Variants in CCDC180 observed in about 807,000 individuals in gnomAD.
The protein encoded by CCDC180 is coiled-coil domain-containing protein 180.
A neutral mutation model predicts 209.2 loss-of-function variants in CCDC180; 154 were observed. The ratio of observed to expected loss-of-function variants is 0.74; its 90% CI spans 0.65 to 0.84. The LOEUF is 0.84. CCDC180 is among the 40% of genes least tolerant of loss of function. The pLI, the probability that CCDC180 is intolerant of heterozygous loss-of-function variation, is 0.00. For missense variants in CCDC180, 1,874 were observed against 1,997.3 expected (o/e 0.94, Z 1.18); for synonymous variants, 778 against 749.1 (o/e 1.04, Z -0.63).
chr9:97,366,781 C>T lies in CCDC180; in HGVS notation c.4189+81C>T. The T allele has an allele frequency of 1.3e-6, 2 of 1,484,436 alleles. No individual in the cohort carries two copies. The highest frequency in any genetic ancestry group is 1.8e-6 in the Non-Finnish European group (2 of 1,101,274). 92.0% of individuals were successfully genotyped at this position (1,484,436 alleles called of 1,614,324 possible). On this transcript the variant is annotated intron_variant, in intron 31 of 36. Transcript: ENST00000529487. The surrounding 1 kb of genome is among the most constrained non-coding windows in gnomAD (Gnocchi z 4.3). The stretch of plus-strand genomic sequence containing the variant: ...TGGAGCTCGGCCTTGGCCTTGTGGC[C>T]TGGATCCTCCCCTCTGGGGGAGGCA...
In CCDC180 at chr9:97,330,772, G is replaced by A. The variant is rs1303822394; in HGVS notation, c.2274+5G>A. 4 of 1,589,124 alleles carry A rather than the reference G, an allele frequency of 2.5e-6. No homozygotes were observed. The highest frequency in any genetic ancestry group is 1.7e-5 in the Admixed American group (1 of 58,730). On this transcript the variant is annotated splice_donor_5th_base_variant and intron_variant, in intron 18 of 36. Coordinates refer to ENST00000529487, the MANE Select transcript of CCDC180 (RefSeq NM_020893.6). The stretch of plus-strand genomic sequence containing the variant: ...GAGAGTTTATCTGTGGGTGAGGTAA[G>A]CCAGCAACTGATTCATTCTTGGGCA...
At chr9:97,368,229 C>T (rs766749157) in intron 31 of CCDC180, among the ~76,000 whole-genome samples, 8 of 152,174 alleles carry the variant, frequency 5.3e-5, no homozygotes, top group Non-Finnish European at 1.2e-4. Context: ...GTGAGAAACA[C>T]ACAAGAGCCA....
intron 9 of CCDC180, 98 bp from the exon 10 acceptor site, chr9:97,318,365 T>A: frequency 6.9e-7 from 1 of 1,444,772 alleles, no homozygotes; most frequent in Non-Finnish European, 9.4e-7. Flanking sequence ...GAAGGAGTGC[T>A]GAGGCTCTGA....
intron 36 of CCDC180, 88 bp from the exon 37 acceptor site, chr9:97,376,670 AAAACC>A (rs1827267190): frequency 2.8e-6 from 4 of 1,439,374 alleles, no homozygotes; most frequent in Non-Finnish European, 3.7e-6. Flanking sequence ...GAATGGGTTA[AAAACC>A]ACCTGCCAGC....
Position 97,324,937 on chromosome 9 carries a change from C to T in CCDC180, c.1372-82C>T, listed in dbSNP as rs952030739. 4.1e-5 allele frequency: 54 copies of T among 1,331,098 alleles called. No individual in the cohort carries two copies. In the African/African-American group the frequency reaches 6.4e-4, roughly 16 times the overall value. 82.5% of individuals were successfully genotyped at this position (1,331,098 alleles called of 1,614,324 possible). On this transcript the variant is annotated intron_variant, in intron 13 of 36. Transcript: ENST00000529487. ...GGCAATACTGTTCAGTCGTTAGAGACAGGGGGTCCCACAGGTGGGCCCTCT... is the reference window on the plus strand; with the variant it reads ...GGCAATACTGTTCAGTCGTTAGAGATAGGGGGTCCCACAGGTGGGCCCTCT...
intron 25 of CCDC180, among the ~76,000 whole-genome samples, chr9:97,359,027 A>C (rs1027562136): frequency 1.3e-5 from 2 of 152,232 alleles, no homozygotes; most frequent in African/African-American, 4.8e-5. Context: ...GCACAGAGGC[A>C]CTGTAAACCC....
chr9:97,354,088 C>T (rs1336953482), intron 22 of CCDC180, among the ~76,000 whole-genome samples: 1 of 151,114 alleles, frequency 6.6e-6, no homozygotes. Flanking sequence ...ACCTCTCCCT[C>T]CTAGGCTTAA....
intron 24 of CCDC180, among the ~76,000 whole-genome samples, chr9:97,355,639 G>T (rs1252958810): frequency 2.6e-5 from 4 of 152,180 alleles, no homozygotes; most frequent in Non-Finnish European, 5.9e-5. Context: ...GGAACACAGA[G>T]CTCTTAAAGG....
chr9:97,375,877 A>T, intron 36 of CCDC180: 2 of 402,140 alleles, frequency 5.0e-6, no homozygotes, highest in Non-Finnish European at 9.0e-6. Flanking sequence ...GTAGTGTCAC[A>T]GCTAGGGAAC....
At chr9:97,369,670 G>A in intron 31 of CCDC180, 1 of 343,950 alleles carries the variant, frequency 2.9e-6, no homozygotes, top group East Asian at 6.1e-5. Context: ...TGAACTCCTG[G>A]CCTCAAGCAA....
In CCDC180 at chr9:97,347,338, C is replaced by A; in HGVS notation, c.2523C>A (p.His841Gln). The A allele has an allele frequency of 6.5e-7, 1 of 1,536,046 alleles. No individual in the cohort carries two copies. The highest frequency in any genetic ancestry group is 8.7e-7 in the Non-Finnish European group (1 of 1,146,910). ...GACTTCGAGCTGGCTTCTTCGAGCACCTTGAGAAGTGGTTTGACCAGTGTT... is the reference window on the plus strand; with the variant it reads ...GACTTCGAGCTGGCTTCTTCGAGCAACTTGAGAAGTGGTTTGACCAGTGTT... ...KKQLRAGFFE[H>Q]LEKWFDQCSL... The change falls in exon 20 of 37, where the codon CAC (histidine) becomes CAA (glutamine). Residue 841 changes from histidine (H) to glutamine (Q), a missense_variant. By Grantham distance (24) the His-to-Gln change is conservative. Coordinates refer to ENST00000529487, the MANE Select transcript of CCDC180 (RefSeq NM_020893.6).
rs764527720 is a variant in CCDC180, at chr9:97,323,881, A to G, written c.1349A>G (p.Glu450Gly). The change falls in exon 13 of 37, where the codon GAG (glutamate) becomes GGG (glycine). Residue 450 changes from glutamate (E) to glycine (G), a missense_variant. Coordinates refer to ENST00000529487, the MANE Select transcript of CCDC180 (RefSeq NM_020893.6). ...GTGGGAGCACTCCAGGGCAAAGTGG[A>G]GGAGGACCTGGAGCTCTTGGACGTG... ...QMVGALQGKV[E>G]EDLELLDKSF... 8 of 1,554,774 alleles carry G rather than the reference A, an allele frequency of 5.1e-6. No homozygotes were observed. Among genetic ancestry groups the G allele is most frequent in the Non-Finnish European group, 7.0e-6 (8 of 1,148,804 alleles).
chr9:97,367,016 G>A (rs181141020), intron 31 of CCDC180, among the ~76,000 whole-genome samples: 2 of 152,290 alleles, frequency 1.3e-5, no homozygotes, highest in African/African-American at 2.4e-5. Context: ...CACATGTAGT[G>A]TACTCAATGT....
chr9:97,340,704 A>G (rs1205102385), intron 18 of CCDC180, among the ~76,000 whole-genome samples: 8 of 152,226 alleles, frequency 5.3e-5, no homozygotes, highest in Non-Finnish European at 1.2e-4. Context: ...TGACGCCAGC[A>G]TCTGGGAAGA....
At chr9:97,369,596 T>A in intron 31 of CCDC180, 1 of 220,010 alleles carries the variant, frequency 4.5e-6, no homozygotes, top group South Asian at 7.1e-5. Context: ...AGCTGGCATG[T>A]ACCACCATGC....
intron 18 of CCDC180, among the ~76,000 whole-genome samples, chr9:97,336,732 G>A (rs1167295124): frequency 6.6e-6 from 1 of 152,162 alleles, no homozygotes; most frequent in Non-Finnish European, 1.5e-5. Context: ...GGATGGCATT[G>A]AATCTATAAA....
At chr9:97,325,275 T>C in intron 14 of CCDC180, 83 bp downstream of exon 14, 2 of 1,416,222 alleles carry the variant, frequency 1.4e-6, no homozygotes, top group Non-Finnish European at 1.9e-6. Context: ...ATGGAGAACC[T>C]TAAGCTATGA....
Position 97,361,893 on chromosome 9 carries a change from C to A in CCDC180, c.3651C>A (p.Leu1217=), listed in dbSNP as rs768861238. 1.5e-5 allele frequency: 24 copies of A among 1,613,732 alleles called. No individual in the cohort carries two copies. The South Asian group carries it at 1.9e-4, about 13-fold the overall frequency. The change falls in exon 27 of 37, where the codon CTC becomes CTA. Residue 1217 remains leucine, a synonymous_variant. Transcript: ENST00000529487. ...CAGCTGTGGATGTGATCAGGAAGCT[C>A]CTGCAGTGAGTGGCCCCAGGGTGCA... ...EDPAVDVIRK[L]LQLPNTKWPT...
At position 97,366,754 on chromosome 9, in the gene CCDC180, G is replaced by C; in HGVS notation, c.4189+54G>C. The stretch of plus-strand genomic sequence containing the variant: ...GAACAGGGCGGGGCGCGAAGCCAGT[G>C]GTGGAGCTCGGCCTTGGCCTTGTGG... On this transcript the variant is annotated intron_variant, in intron 31 of 36. Transcript: ENST00000529487. This position sits in a 1 kb window ranked among gnomAD's most constrained non-coding sequence, Gnocchi z 4.3. 6.3e-7 allele frequency: 1 copy of C among 1,588,630 alleles called. No individual in the cohort carries two copies. The highest frequency in any genetic ancestry group is 1.2e-5 in the South Asian group (1 of 86,564).
Sources: allele counts gnomAD v4.1 joint callset (sites outside exome capture counted in the v4.1 genomes callset), GRCh38; gene constraint gnomAD v4.1.1; non-coding constraint Gnocchi (gnomAD v3.1); transcripts MANE v1.5; gene names NCBI Gene and HGNC (gene_info 2026-07-23, HGNC 2026-07-21).